Variants in ZNF519 observed in about 807,000 individuals in gnomAD.
The protein encoded by ZNF519 is similar to Zinc finger protein 85 (Zinc finger protein HPF4) (HTF1).
A neutral mutation model predicts 7.4 loss-of-function variants in ZNF519; 7 were observed. That is an observed-to-expected ratio of 0.94 (90% CI 0.54 to 1.77). The LOEUF is 1.77. ZNF519 is among the 40% of genes most tolerant of loss of function. The probability of loss-of-function intolerance (pLI) is 0.00; values close to 1 mark genes in which losing one functional copy is unlikely to be tolerated. For missense variants in ZNF519, 586 were observed against 623.1 expected, an observed-to-expected ratio of 0.94 and a Z score of 0.63; for synonymous variants, 179 against 203.3, an observed-to-expected ratio of 0.88 and a Z score of 1.02.
At chr18:14,076,987 C>T (rs1354258995) in exon 5 of ZNF519, 3 of 152,110 alleles carry the variant, frequency 2.0e-5, no homozygotes, top group African/African-American at 4.8e-5. Flanking sequence ...TGAACTCTTA[C>T]ACACTATCGA....
intron 2 of ZNF519, 94 bp from the exon 3 acceptor site, chr18:14,106,503 A>T: frequency 9.5e-7 from 1 of 1,057,276 alleles, no homozygotes; most frequent in Non-Finnish European, 1.3e-6. Flanking sequence ...AGCTGAGAAC[A>T]TCAGCACAAT....
chr18:14,097,228 T>C (rs2046140521), downstream of ZNF519, among the ~76,000 whole-genome samples: 1 of 152,214 alleles, frequency 6.6e-6, no homozygotes, highest in Non-Finnish European at 1.5e-5. Flanking sequence ...ATCATTCTTA[T>C]TACAATGAAG....
intron 2 of ZNF519, among the ~76,000 whole-genome samples, chr18:14,108,537 CT>C (rs2046205216): frequency 1.3e-5 from 2 of 151,704 alleles, no homozygotes; most frequent in African/African-American, 4.8e-5. Context: ...AGGAGTAAAT[CT>C]TTATATAATC....
chr18:14,130,736 C>CA (rs1298529086), intron 1 of ZNF519, among the ~76,000 whole-genome samples: 1 of 151,656 alleles, frequency 6.6e-6, no homozygotes, highest in Non-Finnish European at 1.5e-5. Flanking sequence ...TCTCCCTTCG[C>CA]AAATATAAGA....
intron 2 of ZNF519, among the ~76,000 whole-genome samples, chr18:14,093,841 G>A (rs1040573903): frequency 6.6e-6 from 1 of 152,196 alleles, no homozygotes; most frequent in South Asian, 2.1e-4. Context: ...TTGGCTACCT[G>A]TTACAGGAGT....
chr18:14,086,067 T>C (rs12955480), intron 2 of ZNF519, among the ~76,000 whole-genome samples: 149,784 of 152,290 alleles, frequency 0.98, 73,699 homozygotes, highest in Middle Eastern at 1. Context: ...ACCATCCCTC[T>C]CTAAACCCTG....
chr18:14,117,050 G>T (rs1273485538), intron 2 of ZNF519, among the ~76,000 whole-genome samples: 3 of 152,010 alleles, frequency 2.0e-5, no homozygotes, highest in Non-Finnish European at 1.5e-5. Context: ...TATGACATTG[G>T]TCTCAGCAAT....
downstream of ZNF519, chr18:14,099,893 G>A (rs1255113265): frequency 6.6e-6 from 1 of 152,026 alleles, no homozygotes; most frequent in Non-Finnish European, 1.5e-5. Context: ...AAAAAAAGTT[G>A]AATAAATAAG....
intron 3 of ZNF519, chr18:14,083,032 A>G (rs1466942259): frequency 6.6e-6 from 1 of 152,184 alleles, no homozygotes; most frequent in Admixed American, 6.5e-5. Flanking sequence ...GCTGAATTGC[A>G]TACATACAAA....
At chr18:14,088,323 C>T (rs909487894) in intron 2 of ZNF519, among the ~76,000 whole-genome samples, 3 of 152,224 alleles carry the variant, frequency 2.0e-5, no homozygotes, top group East Asian at 1.9e-4. Flanking sequence ...GCCTTGACTG[C>T]GAAACCCAAG....
intron 3 of ZNF519, among the ~76,000 whole-genome samples, chr18:14,079,993 A>G (rs936085926): frequency 6.6e-6 from 1 of 152,142 alleles, no homozygotes; most frequent in African/African-American, 2.4e-5. Context: ...GAAAATATTT[A>G]TAAAACATGT....
intron 2 of ZNF519, among the ~76,000 whole-genome samples, chr18:14,114,572 T>C (rs1278088799): frequency 1.3e-5 from 2 of 152,210 alleles, no homozygotes; most frequent in African/African-American, 2.4e-5. Context: ...TTCTTTTGCA[T>C]GTTCTCACAC....
intron 2 of ZNF519, 90 bp from the exon 3 acceptor site, chr18:14,106,499 G>T (rs1228643557): frequency 8.7e-7 from 1 of 1,148,534 alleles, no homozygotes. Context: ...GCCAAGCTGA[G>T]AACATCAGCA....
In ZNF519 at chr18:14,078,255, C is replaced by A. The variant is rs575162401; in HGVS notation, c.*221G>T. The A allele has an allele frequency of 2.6e-5, 4 of 152,276 alleles. No homozygotes were observed. The East Asian group carries it at 7.7e-4, about 29-fold the overall frequency. The allele number at this position is 152,276 out of a possible 1,614,324, so 9.4% of individuals were successfully genotyped here. On this transcript the variant is annotated 3_prime_UTR_variant and NMD_transcript_variant, in exon 4 of 5. Transcript: ENST00000587419. The stretch of plus-strand genomic sequence containing the variant: ...CCATGGACAGGTACTGGTCTGCAGC[C>A]TGGGGGTTGAGGACTTCTGCACATA...
intron 2 of ZNF519, among the ~76,000 whole-genome samples, chr18:14,115,567 G>A (rs1350664729): frequency 6.6e-6 from 1 of 152,124 alleles, no homozygotes; most frequent in Non-Finnish European, 1.5e-5. Flanking sequence ...AAACAGAACA[G>A]AGCACATCAA....
intron 2 of ZNF519, among the ~76,000 whole-genome samples, chr18:14,087,101 G>C (rs1326374126): frequency 1.3e-5 from 2 of 152,092 alleles, no homozygotes; most frequent in African/African-American, 4.8e-5. Flanking sequence ...AATCAATAAA[G>C]GTGATACATC....
intron 2 of ZNF519, among the ~76,000 whole-genome samples, chr18:14,122,794 T>C (rs2046276176): frequency 2.0e-5 from 3 of 152,066 alleles, no homozygotes. Context: ...TTTTTTTTTA[T>C]TATACTTTAA....
intron 2 of ZNF519, among the ~76,000 whole-genome samples, chr18:14,109,127 A>AT (rs200246934): frequency 3.3e-4 from 50 of 151,520 alleles, no homozygotes; most frequent in Admixed American, 1.4e-3. Flanking sequence ...CAAAAAAAAA[A>AT]AAAAAAAATA....
downstream of ZNF519, chr18:14,075,590 C>T (rs1023462053): frequency 6.6e-6 from 1 of 152,210 alleles, no homozygotes; most frequent in African/African-American, 2.4e-5. Context: ...GAGGTGGCTA[C>T]AGCCAGGTGT....
Sources: allele counts gnomAD v4.1 joint callset (sites outside exome capture counted in the v4.1 genomes callset), GRCh38; gene constraint gnomAD v4.1.1; transcripts MANE v1.5; gene names NCBI Gene and HGNC (gene_info 2026-07-23, HGNC 2026-07-21).